Variants in KLF12 observed in about 807,000 individuals in gnomAD.
KLF12 encodes the protein Krueppel-like factor 12.
In KLF12, 9 loss-of-function variants were observed where a neutral mutation model predicts 37.8. That is an observed-to-expected ratio of 0.24 (90% CI 0.14 to 0.42). The LOEUF (loss-of-function observed/expected upper bound fraction) is 0.42. Ranked by LOEUF, KLF12 falls within the 10% of genes least tolerant of loss-of-function variation. The pLI is 1.00. For synonymous variants in KLF12, 208 were observed against 202.1 expected (o/e 1.03, Z -0.25); for missense variants, 411 against 516.0 (o/e 0.80, Z 1.97).
chr13:74,012,595 C>T (rs763150829), intron 1 of KLF12, among the ~76,000 whole-genome samples: 2 of 152,200 alleles, frequency 1.3e-5, no homozygotes, highest in Non-Finnish European at 2.9e-5. Flanking sequence ...AGCCATCCTC[C>T]AAAATTCTTA....
chr13:74,094,260 C>T (rs1459630688), intron 1 of KLF12, among the ~76,000 whole-genome samples: 3 of 151,988 alleles, frequency 2.0e-5, no homozygotes, highest in African/African-American at 7.3e-5. Flanking sequence ...AAGCAAAGAA[C>T]GATGGTTTTT....
At chr13:73,803,771 G>A (rs1882410411) in intron 5 of KLF12, among the ~76,000 whole-genome samples, 1 of 91,916 alleles carries the variant, frequency 1.1e-5, no homozygotes, top group Admixed American at 1.3e-4. Flanking sequence ...ATACTGCAGA[G>A]TCACACACAC....
At chr13:74,278,619 AG>A in the KLF12 span, among the ~76,000 whole-genome samples, 1 of 152,178 alleles carries the variant, frequency 6.6e-6, no homozygotes, top group Non-Finnish European at 1.5e-5. Context: ...GACTTGAGGC[AG>A]AGAGTGAGGA....
At chr13:74,222,942 A>C in the KLF12 span, among the ~76,000 whole-genome samples, 1 of 152,230 alleles carries the variant, frequency 6.6e-6, no homozygotes, top group Admixed American at 6.5e-5. Flanking sequence ...AAACAAATCC[A>C]CTTTTTAGAA....
intron 3 of KLF12, among the ~76,000 whole-genome samples, chr13:73,872,144 T>A (rs1297367091): frequency 9.9e-5 from 15 of 152,154 alleles, no homozygotes; most frequent in Admixed American, 9.8e-4. Context: ...TTCTGACACA[T>A]CCTGTTCATG....
chr13:73,699,040 G>A (rs1212106387), intron 7 of KLF12, among the ~76,000 whole-genome samples: 3 of 151,866 alleles, frequency 2.0e-5, no homozygotes, highest in Non-Finnish European at 4.4e-5. Context: ...TGATTTCTGG[G>A]CAACAGGAAA....
intron 1 of KLF12, among the ~76,000 whole-genome samples, chr13:74,006,415 C>A (rs1005557054): frequency 6.6e-6 from 1 of 152,160 alleles, no homozygotes; most frequent in Non-Finnish European, 1.5e-5. Context: ...TCGATTACCA[C>A]CACCCCAGGT....
At chr13:74,076,724 A>T (rs1874585737) in intron 1 of KLF12, among the ~76,000 whole-genome samples, 1 of 152,130 alleles carries the variant, frequency 6.6e-6, no homozygotes, top group African/African-American at 2.4e-5. Context: ...GGTTTGTTGT[A>T]CAGATTATTT....
chr13:73,964,080 C>T (rs1370245842), intron 2 of KLF12, among the ~76,000 whole-genome samples: 1 of 152,208 alleles, frequency 6.6e-6, no homozygotes, highest in African/African-American at 2.4e-5. Flanking sequence ...AAAGTACTGA[C>T]AGATTCCTTC....
intron 5 of KLF12, among the ~76,000 whole-genome samples, chr13:73,781,888 T>C (rs1880989856): frequency 6.6e-6 from 1 of 152,182 alleles, no homozygotes; most frequent in Admixed American, 6.5e-5. Context: ...CAATTGATGT[T>C]TTCACTCTTT....
intron 3 of KLF12, among the ~76,000 whole-genome samples, chr13:73,929,170 C>A (rs1017594339): frequency 6.6e-6 from 1 of 152,132 alleles, no homozygotes; most frequent in African/African-American, 2.4e-5. Context: ...AGTGCAAATA[C>A]AAGAGAGATC....
intron 1 of KLF12, among the ~76,000 whole-genome samples, chr13:73,999,384 A>T (rs1054467804): frequency 1.3e-5 from 2 of 152,220 alleles, no homozygotes; most frequent in African/African-American, 4.8e-5. Flanking sequence ...GATTTCCTGG[A>T]CATATTTTAT....
intron 3 of KLF12, among the ~76,000 whole-genome samples, chr13:73,883,648 C>T (rs542990659): frequency 3.9e-5 from 6 of 152,192 alleles, no homozygotes; most frequent in Middle Eastern, 3.4e-3. Flanking sequence ...GAGCACTCCA[C>T]GGTAAAGCAA....
At chr13:74,003,236 C>G (rs1892325556) in intron 1 of KLF12, among the ~76,000 whole-genome samples, 1 of 152,090 alleles carries the variant, frequency 6.6e-6, no homozygotes, top group African/African-American at 2.4e-5. Flanking sequence ...AGTGCTTACA[C>G]AAAGCTGAGT....
At chr13:73,809,742 T>C (rs1882830258) in intron 5 of KLF12, among the ~76,000 whole-genome samples, 1 of 152,216 alleles carries the variant, frequency 6.6e-6, no homozygotes, top group African/African-American at 2.4e-5. Context: ...TGTTTACACA[T>C]GCACATTCAG....
chr13:73,853,545 T>A (rs1469107571), intron 3 of KLF12, among the ~76,000 whole-genome samples: 1 of 152,120 alleles, frequency 6.6e-6, no homozygotes, highest in African/African-American at 2.4e-5. Flanking sequence ...AAGACCAGCC[T>A]GACCAACATG....
the KLF12 span, among the ~76,000 whole-genome samples, chr13:74,166,399 G>C: frequency 2.0e-5 from 3 of 152,054 alleles, no homozygotes; most frequent in Admixed American, 2.0e-4. Flanking sequence ...GCCAAGACCT[G>C]CTTTTTAAGA....
chr13:73,695,777 G>C (rs748358755), intron 7 of KLF12, 106 bp from the exon 8 acceptor site: 11 of 1,081,884 alleles, frequency 1.0e-5, no homozygotes, highest in Middle Eastern at 2.7e-4. Flanking sequence ...GAATTTTCCC[G>C]TTGGTAAATC....
At chr13:74,065,223 C>CACAT (rs66832492) in intron 1 of KLF12, among the ~76,000 whole-genome samples, 67,601 of 150,892 alleles carry the variant, frequency 0.45, 17,128 homozygotes, top group East Asian at 0.79. Context: ...CACACACACA[C>CACAT]ATGTATATAT....
Sources: allele counts gnomAD v4.1 joint callset (sites outside exome capture counted in the v4.1 genomes callset), GRCh38; gene constraint gnomAD v4.1.1; transcripts MANE v1.5; gene names NCBI Gene and HGNC (gene_info 2026-07-23, HGNC 2026-07-21).